The following SPAST variants were observed in gnomAD, a reference collection of about 807,000 sequenced individuals.
SPAST encodes the protein spastin.
In SPAST, 30 loss-of-function variants were observed where a neutral mutation model predicts 76.6. That is an observed-to-expected ratio of 0.39 (90% confidence interval 0.29 to 0.53). The LOEUF (loss-of-function observed/expected upper bound fraction) is 0.53, where lower values mean the gene tolerates loss of function less well. Ranked by LOEUF, SPAST falls within the 20% of genes least tolerant of loss-of-function variation. The probability of loss-of-function intolerance (pLI) is 0.68; values close to 1 mark genes in which losing one functional copy is unlikely to be tolerated. For synonymous variants in SPAST, 305 were observed against 281.0 expected, an observed-to-expected ratio of 1.09 and a Z score of -0.86; for missense variants, 717 against 770.5, an observed-to-expected ratio of 0.93 and a Z score of 0.82.
chr2:32,089,622 A>G lies in SPAST; in HGVS notation c.586+17A>G. ...AACTTCTAGGTATCAATTAATGTAT[A>G]ATTTGATGTGGGATGTATTGGAAAT... On this transcript the variant is annotated intron_variant, in intron 3 of 16. Transcript: ENST00000315285. 8.0e-7 allele frequency: 1 copy of G among 1,256,956 alleles called. No individual in the cohort carries two copies. The highest frequency in any genetic ancestry group is 1.2e-6 in the Non-Finnish European group (1 of 853,862). 77.9% of individuals were successfully genotyped at this position (1,256,956 alleles called of 1,614,324 possible).
intron 7 of SPAST, among the ~76,000 whole-genome samples, chr2:32,121,535 C>CTTTTTT (rs34519148): frequency 9.7e-6 from 1 of 102,740 alleles, no homozygotes; most frequent in African/African-American, 3.8e-5. Context: ...ATCTTTCTCA[C>CTTTTTT]TTTTTTTTTT....
rs183678485 is a variant in SPAST at position 32,110,771 on chromosome 2, C to T, written c.683-3867C>T. Among the ~76,000 whole-genome samples, 133 of 108,482 alleles carry T rather than the reference C, an allele frequency of 1.2e-3. 1 individual carries two copies. The highest frequency in any genetic ancestry group is 4.8e-3 in the African/African-American group (130 of 27,364). The allele number at this position is 108,482 out of a possible 152,430, so 71.2% of individuals were successfully genotyped here. A position where few individuals can be genotyped will look rare whatever the true frequency, so the allele number is the denominator to read the frequency against. ...TATATAGTATAGTATATATAGTATA[C>T]ATAGTATACTATATATAGTATAGTA... is the stretch of plus-strand genomic sequence containing the variant. On this transcript the variant is annotated intron_variant, in intron 4 of 16. Coordinates refer to ENST00000315285, the MANE Select transcript of SPAST (RefSeq NM_014946.4).
chr2:32,071,585 C>G (rs776153155), intron 1 of SPAST, among the ~76,000 whole-genome samples: 2 of 152,136 alleles, frequency 1.3e-5, no homozygotes, highest in East Asian at 1.9e-4. Context: ...ATTTTATACA[C>G]TTTAGGGAGA....
In SPAST at chr2:32,064,121, C is replaced by T. The variant is rs1314430315; in HGVS notation, c.290C>T (p.Pro97Leu). 6.3e-7 allele frequency: 1 copy of T among 1,592,874 alleles called. No homozygotes were observed. The highest frequency in any genetic ancestry group is 8.5e-7 in the Non-Finnish European group (1 of 1,170,156). The change falls in exon 1 of 17, where the codon CCA becomes CTA. Residue 97 changes from proline to leucine, a missense_variant. By Grantham distance (98) the Pro-to-Leu change is moderately conservative. This residue lies in a region of SPAST where 543 missense variants were observed against 445.2 expected (regional missense o/e 1.22). Coordinates refer to ENST00000315285, the MANE Select transcript of SPAST (RefSeq NM_014946.4). ...MAAKRSSGAA[P>L]APASASAPAP... ...GCCAAGAGGAGCTCCGGGGCCGCGC[C>T]AGCACCTGCCTCGGCCTCGGCCCCG...
At chr2:32,094,494 G>C (rs1442877702) in intron 3 of SPAST, among the ~76,000 whole-genome samples, 3 of 152,170 alleles carry the variant, frequency 2.0e-5, no homozygotes, top group Admixed American at 2.0e-4. Context: ...CGCCTTAAGA[G>C]AAAGTACCTG....
intron 12 of SPAST, 150 bp downstream of exon 12, chr2:32,137,338 A>G (rs1472121901): frequency 5.5e-6 from 4 of 731,902 alleles, no homozygotes; most frequent in East Asian, 5.4e-5. Flanking sequence ...TACCAACTAC[A>G]TAAGGATTTT....
At position 32,141,950 on chromosome 2, in the gene SPAST, T is replaced by C; in HGVS notation, c.1536+4T>C. 3 of 1,611,274 alleles carry C rather than the reference T, an allele frequency of 1.9e-6. No individual in the cohort carries two copies. Among genetic ancestry groups the C allele is most frequent in the Non-Finnish European group, 2.5e-6 (3 of 1,177,960 alleles). On this transcript the variant is annotated splice_donor_region_variant and intron_variant, in intron 13 of 16. Transcript: ENST00000315285. ...TGTGTCTTTACCAAATGAGGAGGTA[T>C]GTATCTGTGTTTGAATTTTTTTTGT... is the stretch of plus-strand genomic sequence containing the variant.
chr2:32,092,436 A>G (rs1398122904), intron 3 of SPAST, among the ~76,000 whole-genome samples: 1 of 152,196 alleles, frequency 6.6e-6, no homozygotes, highest in East Asian at 1.9e-4. Flanking sequence ...ACATCTTTCA[A>G]AATTAATAAG....
intron 1 of SPAST, among the ~76,000 whole-genome samples, chr2:32,083,769 TATATATA>T (rs1478053056): frequency 1.2e-3 from 119 of 96,136 alleles, no homozygotes; most frequent in Middle Eastern, 5.3e-3. Flanking sequence ...TATATATATA[TATATATA>T]TTTTTTTTTT....
At chr2:32,136,153 G>T (rs575280020) in intron 9 of SPAST, among the ~76,000 whole-genome samples, 2 of 151,770 alleles carry the variant, frequency 1.3e-5, no homozygotes, top group Non-Finnish European at 1.5e-5. Context: ...TCTTAATAGC[G>T]CAAGTTTTGT....
chr2:32,145,842 GATT>G (rs1189987473), intron 15 of SPAST, among the ~76,000 whole-genome samples: 1 of 152,190 alleles, frequency 6.6e-6, no homozygotes, highest in Non-Finnish European at 1.5e-5. Flanking sequence ...TATGCACTCA[GATT>G]ATTAGCTATG....
intron 7 of SPAST, among the ~76,000 whole-genome samples, chr2:32,120,687 C>T (rs62142113): frequency 1.3e-5 from 2 of 150,846 alleles, no homozygotes; most frequent in East Asian, 4.0e-4. Flanking sequence ...AATCTGTCTT[C>T]ACTACCATCA....
At chr2:32,120,933 A>T (rs1039944465) in intron 7 of SPAST, among the ~76,000 whole-genome samples, 5 of 152,192 alleles carry the variant, frequency 3.3e-5, no homozygotes, top group Non-Finnish European at 7.3e-5. Context: ...ACTATTTTCC[A>T]TGAGTATTTT....
intron 7 of SPAST, among the ~76,000 whole-genome samples, chr2:32,125,365 AG>A (rs1470141281): frequency 1.3e-5 from 2 of 152,076 alleles, no homozygotes; most frequent in East Asian, 3.9e-4. Flanking sequence ...CTGAGATTAC[AG>A]GCATGTGCCA....
At chr2:32,149,022 T>C (rs1326959677) in intron 16 of SPAST, among the ~76,000 whole-genome samples, 1 of 151,954 alleles carries the variant, frequency 6.6e-6, no homozygotes, top group Non-Finnish European at 1.5e-5. Context: ...ACAATAAAAA[T>C]AACCTATAAC....
chr2:32,142,730 C>T (rs560179577), intron 13 of SPAST, among the ~76,000 whole-genome samples: 2 of 152,032 alleles, frequency 1.3e-5, no homozygotes, highest in African/African-American at 2.4e-5. Flanking sequence ...TAAAGCAGAT[C>T]AGTGGGTTGT....
intron 7 of SPAST, among the ~76,000 whole-genome samples, chr2:32,124,505 A>C (rs1400806308): frequency 6.6e-6 from 1 of 151,802 alleles, no homozygotes; most frequent in Non-Finnish European, 1.5e-5. Context: ...TTCTTACAAA[A>C]CTCTTACCAT....
chr2:32,149,969 TG>T (rs1439515066), intron 16 of SPAST, among the ~76,000 whole-genome samples: 1 of 151,892 alleles, frequency 6.6e-6, no homozygotes, highest in Non-Finnish European at 1.5e-5. Flanking sequence ...AAGTACATTT[TG>T]GAGTTTGTTT....
intron 1 of SPAST, among the ~76,000 whole-genome samples, chr2:32,085,205 C>CTTTTTTTTTTTTTTT (rs11399879): frequency 8.3e-6 from 1 of 119,780 alleles, no homozygotes; most frequent in Non-Finnish European, 1.7e-5. Flanking sequence ...TCTTCTTCTT[C>CTTTTTTTTTTTTTTT]TTTTTTTTTT....
Sources: gnomAD v4.1 joint callset for allele counts (sites outside exome capture counted in the v4.1 genomes callset) on GRCh38, gnomAD v4.1.1 for gene constraint, gnomAD v4.1.1 regional missense constraint, MANE v1.5 for transcripts, NCBI Gene and HGNC (gene_info 2026-07-23, HGNC 2026-07-21) for gene names.